RFC3: variants seen among roughly 807,000 people sequenced by gnomAD.
RFC3 encodes the protein replication factor C subunit 3, also known as A1 38 kDa subunit.
In RFC3, 41 loss-of-function variants were observed where a neutral mutation model predicts 45.1. The observed-to-expected ratio is 0.91, with a 90% confidence interval of 0.71 to 1.18. The LOEUF (loss-of-function observed/expected upper bound fraction) is 1.18. Among genes scored for constraint, RFC3 ranks in the 50% most tolerant of loss-of-function variants. The pLI is 0.00. For synonymous variants in RFC3, 149 were observed against 144.0 expected, an observed-to-expected ratio of 1.03 and a Z score of -0.25; for missense variants, 423 against 428.1, an observed-to-expected ratio of 0.99 and a Z score of 0.10.
At chr13:33,940,795 C>T (rs1189036468) in intron 8 of RFC3, among the ~76,000 whole-genome samples, 1 of 152,142 alleles carries the variant, frequency 6.6e-6, no homozygotes. Flanking sequence ...AATAGTTTAA[C>T]CCCATTCATC....
intron 8 of RFC3, among the ~76,000 whole-genome samples, chr13:33,964,860 G>T (rs893853792): frequency 3.9e-5 from 6 of 152,184 alleles, no homozygotes; most frequent in Non-Finnish European, 8.8e-5. Flanking sequence ...GCTTATACAG[G>T]TGGTCTCTAT....
In RFC3 at chr13:33,829,934, T is replaced by C; in HGVS notation, c.490T>C (p.Cys164Arg). 1 of 1,614,110 alleles carries C rather than the reference T, an allele frequency of 6.2e-7. No individual in the cohort carries two copies. Among genetic ancestry groups the C allele is most frequent in the Non-Finnish European group, 8.5e-7 (1 of 1,179,920 alleles). The change falls in exon 5 of 9, where the codon TGC (cysteine) becomes CGC (arginine). Residue 164 changes from cysteine to arginine, a missense_variant. Coordinates refer to ENST00000380071, the MANE Select transcript of RFC3 (RefSeq NM_002915.4). ...KYMSTCRLIL[C>R]CNSTSKVIPP... ...TATGTCTACCTGCAGATTGATCTTG[T>C]GCTGCAATTCTACATCTAAAGTGAT...
intron 8 of RFC3, among the ~76,000 whole-genome samples, chr13:33,961,016 A>G (rs548162128): frequency 1.3e-5 from 2 of 152,242 alleles, no homozygotes. Context: ...TTAAGTTTGA[A>G]TCTCAGATAA....
At chr13:33,957,645 G>A (rs568604084) in intron 8 of RFC3, among the ~76,000 whole-genome samples, 117 of 152,212 alleles carry the variant, frequency 7.7e-4, no homozygotes, top group Non-Finnish European at 1.4e-3. Context: ...TGTGAGGCCC[G>A]GAAGCTCTAA....
intron 8 of RFC3, 46 bp downstream of exon 8, chr13:33,835,263 G>GA: frequency 8.1e-7 from 1 of 1,231,430 alleles, no homozygotes; most frequent in South Asian, 1.2e-5. Context: ...ATAAAATTTG[G>GA]ACGCTGGGTG....
chr13:33,921,875 G>A (rs2082770957), intron 8 of RFC3, among the ~76,000 whole-genome samples: 1 of 152,130 alleles, frequency 6.6e-6, no homozygotes, highest in Admixed American at 6.5e-5. Context: ...GTGTAGTAGG[G>A]ACATATAGAA....
downstream of RFC3, among the ~76,000 whole-genome samples, chr13:33,839,535 T>C (rs2082182245): frequency 6.6e-6 from 1 of 152,234 alleles, no homozygotes; most frequent in African/African-American, 2.4e-5. Flanking sequence ...AGTTTTGAAA[T>C]AATAGACATT....
rs548978819 is a variant in RFC3 at position 33,889,765 on chromosome 13, T to C, written c.879+54548T>C. Among the ~76,000 whole-genome samples the C allele has an allele frequency of 1.4e-3, 209 of 152,340 alleles. 1 individual carries two copies. The highest frequency in any genetic ancestry group is 2.7e-3 in the Admixed American group (41 of 15,300). ...ACCACTATTCTACTCTCTACTGCTA[T>C]GACAGCAACCTTTTTAGATGCCACA... On this transcript the variant is annotated intron_variant, in intron 8 of 8. Transcript: ENST00000434425.
rs747062841 is a variant in RFC3 at position 33,836,953 on chromosome 13, TACTGTAGTAATTA to T, written c.*659_*671del. ...AATGAAGTTCTGGAGAAAGGTATGT[TACTGTAGTAATTA>T]CTCTTTGAACAGGTTTTGTGTTTTG... On this transcript the variant is annotated 3_prime_UTR_variant, in exon 9 of 9. Coordinates refer to ENST00000380071, the MANE Select transcript of RFC3 (RefSeq NM_002915.4). 3,236 of 984,856 alleles carry T rather than the reference TACTGTAGTAATTA, an allele frequency of 3.3e-3. 79 individuals are homozygous for T. In the African/African-American group the frequency reaches 0.044, roughly 13 times the overall value. 61.0% of individuals were successfully genotyped at this position (984,856 alleles called of 1,614,324 possible). A position where few individuals can be genotyped will look rare whatever the true frequency, so the allele number is the denominator to read the frequency against.
Position 33,823,953 on chromosome 13 carries a change from G to A in RFC3, c.262G>A (p.Ala88Thr), listed in dbSNP as rs775330543. ...AAAAAAAATTGAAATTAGCACCATTGCAAGTAACTACCACCTTGAAGTTAA... is the reference window on the plus strand; with the variant it reads ...AAAAAAAATTGAAATTAGCACCATTACAAGTAACTACCACCTTGAAGTTAA... The part of the protein sequence containing the change: ...SKKKIEISTI[A>T]SNYHLEVNPS... Residue 88 changes from alanine (A) to threonine (T), a missense_variant, in exon 3 of 9, where the codon GCA (alanine) becomes ACA (threonine). Ala to Thr is a moderately conservative substitution (Grantham distance 58). Transcript: ENST00000380071. 2.6e-6 allele frequency: 4 copies of A among 1,565,160 alleles called. No individual in the cohort carries two copies. In the Admixed American group the frequency reaches 5.2e-5, roughly 20 times the overall value.
chr13:33,939,417 AACAC>A (rs2082909741), intron 8 of RFC3, among the ~76,000 whole-genome samples: 1 of 152,132 alleles, frequency 6.6e-6, no homozygotes, highest in Non-Finnish European at 1.5e-5. Context: ...CAGGTGGGTG[AACAC>A]ACCAAGGTGC....
Position 33,835,214 on chromosome 13 carries a change from G to A in RFC3, c.876G>A (p.Met292Ile). 6.2e-7 allele frequency: 1 copy of A among 1,604,420 alleles called. No homozygotes were observed. The highest frequency in any genetic ancestry group is 8.5e-7 in the Non-Finnish European group (1 of 1,171,474). Residue 292 changes from methionine to isoleucine, a missense_variant, in exon 8 of 9, where the codon ATG becomes ATA. By Grantham distance (10) the Met-to-Ile change is conservative. Coordinates refer to ENST00000380071, the MANE Select transcript of RFC3 (RefSeq NM_002915.4). ...LTHCIPPEII[M>I]KGLLSELLHN... ...ATTGTATTCCTCCTGAGATAATAAT[G>A]AAGGTAACCCAATTTCAGATCTTGA... is the stretch of plus-strand genomic sequence containing the variant.
At chr13:33,867,817 A>G (rs2082383472) in intron 8 of RFC3, among the ~76,000 whole-genome samples, 1 of 152,218 alleles carries the variant, frequency 6.6e-6, no homozygotes, top group Admixed American at 6.5e-5. Context: ...CTACAACCCC[A>G]GGACTCATAT....
intron 8 of RFC3, among the ~76,000 whole-genome samples, chr13:33,867,790 G>A (rs895686147): frequency 6.6e-6 from 1 of 152,208 alleles, no homozygotes; most frequent in Non-Finnish European, 1.5e-5. Context: ...GTAGTGGGGA[G>A]AAATCACAAC....
chr13:33,909,872 A>G (rs751188557), intron 8 of RFC3, among the ~76,000 whole-genome samples: 11 of 152,078 alleles, frequency 7.2e-5, no homozygotes, highest in Middle Eastern at 3.2e-3. Flanking sequence ...AGCACATACT[A>G]TGTGTTGGGT....
At chr13:33,850,831 T>G (rs539352305) in intron 8 of RFC3, 141 of 152,292 alleles carry the variant, frequency 9.3e-4, no homozygotes, top group African/African-American at 3.1e-3. Flanking sequence ...AACTTGGTGC[T>G]CATGAGTCAC....
Position 33,829,936 on chromosome 13 carries a change from C to T in RFC3, c.492C>T (p.Cys164=). 2 of 1,614,036 alleles carry T rather than the reference C, an allele frequency of 1.2e-6. No homozygotes were observed. Among genetic ancestry groups the T allele is most frequent in the Non-Finnish European group, 1.7e-6 (2 of 1,179,914 alleles). ...TGTCTACCTGCAGATTGATCTTGTG[C>T]TGCAATTCTACATCTAAAGTGATCC... The part of the protein sequence containing the change: ...KYMSTCRLIL[C]CNSTSKVIPP... The change falls in exon 5 of 9, where the codon TGC becomes TGT. Residue 164 remains cysteine, a synonymous_variant. Transcript: ENST00000380071.
intron 8 of RFC3, among the ~76,000 whole-genome samples, chr13:33,903,017 C>G (rs6562176): frequency 0.19 from 28,575 of 152,066 alleles, 5,949 homozygotes; most frequent in African/African-American, 0.52. Context: ...GTGGCCTGTG[C>G]GCCACCAGTT....
At chr13:33,870,085 G>A (rs1247939585) in intron 8 of RFC3, among the ~76,000 whole-genome samples, 1 of 152,182 alleles carries the variant, frequency 6.6e-6, no homozygotes, top group African/African-American at 2.4e-5. Flanking sequence ...AGTTCTTAAA[G>A]GTGTGCTCGG....
Sources: gnomAD v4.1 joint callset for allele counts (sites outside exome capture counted in the v4.1 genomes callset) on GRCh38, gnomAD v4.1.1 for gene constraint, MANE v1.5 for transcripts, NCBI Gene and HGNC (gene_info 2026-07-23, HGNC 2026-07-21) for gene names.